Variants in ASCC1 observed in about 807,000 individuals in gnomAD.
ASCC1 encodes the protein activating signal cointegrator 1 complex subunit 1.
Under a neutral mutation model 46.6 loss-of-function variants are expected in ASCC1, and 35 were observed. The observed-to-expected ratio is 0.75, with a 90% CI of 0.57 to 0.99. The LOEUF (loss-of-function observed/expected upper bound fraction) is 0.99, where lower values mean the gene tolerates loss of function less well. Among genes scored for constraint, ASCC1 ranks in the 50% least tolerant of loss-of-function variants. The pLI, the probability that ASCC1 is intolerant of heterozygous loss-of-function variation, is 0.00. For missense variants in ASCC1, 376 were observed against 428.7 expected, an observed-to-expected ratio of 0.88 and a Z score of 1.09; for synonymous variants, 143 against 146.6, an observed-to-expected ratio of 0.98 and a Z score of 0.18.
chr10:72,197,449 T>G (rs374317316), intron 4 of ASCC1, among the ~76,000 whole-genome samples: 1 of 91,100 alleles, frequency 1.1e-5, no homozygotes, highest in Non-Finnish European at 2.0e-5. Flanking sequence ...GCCTGGGCAA[T>G]AGAGCAAGAC....
chr10:72,160,623 G>A (rs1322003803), intron 6 of ASCC1, among the ~76,000 whole-genome samples: 1 of 151,882 alleles, frequency 6.6e-6, no homozygotes, highest in Non-Finnish European at 1.5e-5. Context: ...CACTTTTGGA[G>A]GCCGAAGCAG....
At chr10:72,199,723 CTTCT>C (rs1352028707) in intron 4 of ASCC1, among the ~76,000 whole-genome samples, 4 of 152,088 alleles carry the variant, frequency 2.6e-5, no homozygotes, top group Admixed American at 6.6e-5. Context: ...TTTATTTTCT[CTTCT>C]TTGTTTTCTG....
intron 3 of ASCC1, chr10:72,204,543 A>G: frequency 1.3e-6 from 2 of 1,549,064 alleles, no homozygotes; most frequent in East Asian, 2.4e-5. Flanking sequence ...GAGTCTATAA[A>G]GCACTAAGAG....
At chr10:72,204,378 T>A in intron 3 of ASCC1, 2 of 1,549,794 alleles carry the variant, frequency 1.3e-6, no homozygotes, top group South Asian at 1.2e-5. Context: ...ACAATCCCCA[T>A]CACTCCCACT....
chr10:72,136,384 TAAACGCACCAATCAGCACTCTGTGA>T (rs1307522231), intron 7 of ASCC1, among the ~76,000 whole-genome samples: 3 of 152,098 alleles, frequency 2.0e-5, no homozygotes, highest in Non-Finnish European at 4.4e-5. Flanking sequence ...TAAAGGATTG[TAAACGCACCAATCAGCACTCTGTGA>T]AAACGCACCA....
intron 9 of ASCC1, among the ~76,000 whole-genome samples, chr10:72,127,554 A>AT (rs948043444): frequency 1.3e-5 from 2 of 151,836 alleles, no homozygotes; most frequent in African/African-American, 4.8e-5. Flanking sequence ...ACAAATAATT[A>AT]TTTTCCACTT....
At chr10:72,122,926 T>C (rs763126034) in intron 9 of ASCC1, among the ~76,000 whole-genome samples, 1 of 152,186 alleles carries the variant, frequency 6.6e-6, no homozygotes, top group Non-Finnish European at 1.5e-5. Context: ...TAGTATTTAG[T>C]GCATGTTAGA....
At chr10:72,117,456 A>G (rs1843625412) in intron 9 of ASCC1, among the ~76,000 whole-genome samples, 1 of 152,142 alleles carries the variant, frequency 6.6e-6, no homozygotes, top group Non-Finnish European at 1.5e-5. Context: ...TTAGAACACT[A>G]ATGTTAATTT....
chr10:72,122,214 T>C (rs1403823503), intron 9 of ASCC1, among the ~76,000 whole-genome samples: 1 of 150,320 alleles, frequency 6.7e-6, no homozygotes, highest in Non-Finnish European at 1.5e-5. Context: ...ACATCAGGAG[T>C]TCAAGACCAT....
intron 1 of ASCC1, 152 bp from the exon 2 acceptor site, chr10:72,213,483 T>C: frequency 3.3e-6 from 2 of 599,852 alleles, no homozygotes; most frequent in Non-Finnish European, 6.1e-6. Flanking sequence ...TTCCCATCTG[T>C]AAACCAGTTT....
intron 9 of ASCC1, among the ~76,000 whole-genome samples, chr10:72,127,565 A>T (rs191850655): frequency 6.6e-6 from 1 of 152,134 alleles, no homozygotes; most frequent in Admixed American, 6.5e-5. Context: ...TTTTCCACTT[A>T]AAAAAAATGC....
chr10:72,192,772 G>T (rs1467466861), intron 5 of ASCC1, among the ~76,000 whole-genome samples: 5 of 152,166 alleles, frequency 3.3e-5, no homozygotes, highest in Non-Finnish European at 7.3e-5. Flanking sequence ...GGGATCACAG[G>T]CATGGGGCAC....
In ASCC1 at chr10:72,157,171, TCTA is replaced by T. The variant is rs1849086482; in HGVS notation, c.627-4186_627-4184del. Reference sequence around the variant, plus strand: ...CATAATAAGTCTTCCTATAGCCACCTCTAATAAGAAGTGAAATGTTTCAAAACA... The same window carrying T: ...CATAATAAGTCTTCCTATAGCCACCTATAAGAAGTGAAATGTTTCAAAACA... On this transcript the variant is annotated intron_variant, in intron 6 of 9. Transcript: ENST00000672957. Among the ~76,000 whole-genome samples the T allele has an allele frequency of 2.0e-5, 3 of 152,166 alleles. No homozygotes were observed. The East Asian group carries it at 5.8e-4, about 29-fold the overall frequency.
intron 5 of ASCC1, among the ~76,000 whole-genome samples, chr10:72,161,922 C>A (rs529030935): frequency 6.6e-6 from 1 of 152,116 alleles, no homozygotes; most frequent in African/African-American, 2.4e-5. Flanking sequence ...TAGATCATGA[C>A]CTGGAATTCA....
At chr10:72,113,216 T>C (rs1474148753) in intron 9 of ASCC1, among the ~76,000 whole-genome samples, 1 of 152,246 alleles carries the variant, frequency 6.6e-6, no homozygotes, top group Non-Finnish European at 1.5e-5. Flanking sequence ...AGAAAGGTAA[T>C]GCTAACCTCT....
At chr10:72,132,918 C>T in intron 8 of ASCC1, 139 bp downstream of exon 8, 1 of 1,035,822 alleles carries the variant, frequency 9.7e-7, no homozygotes, top group Non-Finnish European at 1.5e-6. Flanking sequence ...CCCACCTCTA[C>T]TATGCTCATC....
chr10:72,214,857 C>T (rs1253903852), intron 1 of ASCC1, among the ~76,000 whole-genome samples: 1 of 152,190 alleles, frequency 6.6e-6, no homozygotes, highest in Admixed American at 6.5e-5. Flanking sequence ...GGTTCTCAGA[C>T]CAACATACTG....
Position 72,214,266 on chromosome 10 carries a change from T to C in ASCC1, c.-33-935A>G, listed in dbSNP as rs187202282. Among the ~76,000 whole-genome samples the C allele has an allele frequency of 1.1e-3, 160 of 151,918 alleles. 3 individuals carry two copies. The highest frequency in any genetic ancestry group is 3.2e-3 in the African/African-American group (132 of 41,454). On this transcript the variant is annotated intron_variant, in intron 1 of 9. Transcript: ENST00000672957. The stretch of plus-strand genomic sequence containing the variant: ...TAAATGCCCGTATATAAACACAGCC[T>C]GTCCATGGCTTTGAAAGAGAGAATA...
chr10:72,118,309 G>C (rs189465136), intron 9 of ASCC1, among the ~76,000 whole-genome samples: 2 of 151,456 alleles, frequency 1.3e-5, no homozygotes, highest in South Asian at 4.2e-4. Flanking sequence ...AGAGCTTGCA[G>C]TGAGCCAAGA....
Sources: allele counts gnomAD v4.1 joint callset (sites outside exome capture counted in the v4.1 genomes callset), GRCh38; gene constraint gnomAD v4.1.1; transcripts MANE v1.5; gene names NCBI Gene and HGNC (gene_info 2026-07-23, HGNC 2026-07-21).